The following ATP2A2 variants were observed in gnomAD, a reference collection of about 807,000 sequenced individuals.
ATP2A2 encodes ATPase sarcoplasmic/endoplasmic reticulum Ca2+ transporting 2.
ATP2A2 carries 14 observed loss-of-function variants against 109.3 expected under a neutral mutation model. That is an observed-to-expected ratio of 0.13 (90% CI 0.08 to 0.20). ATP2A2 has a LOEUF of 0.20. ATP2A2 is among the 10% of genes least tolerant of loss of function. The pLI is 1.00. For missense variants in ATP2A2, 657 were observed against 1,321.6 expected (o/e 0.50, Z 7.80); for synonymous variants, 506 against 490.9 (o/e 1.03, Z -0.41).
intron 14 of ATP2A2, among the ~76,000 whole-genome samples, chr12:110,341,202 G>A (rs2137857810): frequency 6.6e-6 from 1 of 152,174 alleles, no homozygotes; most frequent in East Asian, 1.9e-4. Context: ...ACCCAGAAGG[G>A]CCTTCCAGAT....
At chr12:110,287,214 C>G (rs1872750164) in intron 3 of ATP2A2, among the ~76,000 whole-genome samples, 1 of 152,108 alleles carries the variant, frequency 6.6e-6, no homozygotes, top group Non-Finnish European at 1.5e-5. Context: ...GATTGCGCCA[C>G]TGCACTCCAG....
intron 3 of ATP2A2, among the ~76,000 whole-genome samples, chr12:110,291,152 C>A (rs1464548588): frequency 6.6e-6 from 1 of 151,960 alleles, no homozygotes; most frequent in Non-Finnish European, 1.5e-5. Flanking sequence ...AGGTGATCCC[C>A]CCGCCTTGGC....
Position 110,347,524 on chromosome 12 carries a change from A to C in ATP2A2, c.*1054A>C. On this transcript the variant is annotated 3_prime_UTR_variant, in exon 20 of 20. Transcript: ENST00000539276. ...GTCATCTGTGATGTACATTTTATGCAAGTTTCTGCTGGCCTGGTATAGAGA... is the reference window on the plus strand; with the variant it reads ...GTCATCTGTGATGTACATTTTATGCCAGTTTCTGCTGGCCTGGTATAGAGA... 2 of 1,288,634 alleles carry C rather than the reference A, an allele frequency of 1.6e-6. No homozygotes were observed. Among genetic ancestry groups the C allele is most frequent in the South Asian group, 2.5e-5 (2 of 81,006 alleles). The allele number at this position is 1,288,634 out of a possible 1,614,324, so 79.8% of individuals were successfully genotyped here.
chr12:110,304,122 C>T (rs557753060), intron 5 of ATP2A2, among the ~76,000 whole-genome samples: 42 of 152,268 alleles, frequency 2.8e-4, no homozygotes, highest in African/African-American at 9.1e-4. Context: ...TGTTACATTT[C>T]GTTCATGAAT....
At chr12:110,310,637 A>G (rs1268719884) in intron 5 of ATP2A2, among the ~76,000 whole-genome samples, 2 of 152,226 alleles carry the variant, frequency 1.3e-5, no homozygotes, top group Non-Finnish European at 2.9e-5. Flanking sequence ...TTAAGATTTA[A>G]GTAGTGGAAG....
chr12:110,344,178 T>A (rs1592866045), intron 16 of ATP2A2, among the ~76,000 whole-genome samples: 1 of 152,136 alleles, frequency 6.6e-6, no homozygotes, highest in East Asian at 1.9e-4. Flanking sequence ...TAGTGCCTCA[T>A]CCTTGCAGCC....
intron 19 of ATP2A2, 23 bp from the exon 20 acceptor site, chr12:110,346,178 G>A (rs1380750683): frequency 6.2e-7 from 1 of 1,614,040 alleles, no homozygotes; most frequent in Admixed American, 1.7e-5. Flanking sequence ...CTGGAGGCGT[G>A]ACACGTCTTC....
Position 110,348,425 on chromosome 12 carries a change from G to A in ATP2A2, c.*1955G>A. ...ACTATATTCTTCAAAATGTACTTAG[G>A]CTCTGGTTACTGGGATGGCCAGTAG... On this transcript the variant is annotated 3_prime_UTR_variant, in exon 20 of 20. Transcript: ENST00000539276. 1.0e-6 allele frequency: 1 copy of A among 985,522 alleles called. No individual in the cohort carries two copies. The highest frequency in any genetic ancestry group is 1.7e-5 in the African/African-American group (1 of 57,316). 61.0% of individuals were successfully genotyped at this position (985,522 alleles called of 1,614,324 possible).
chr12:110,283,695 T>TA (rs758973335), intron 3 of ATP2A2, among the ~76,000 whole-genome samples: 4 of 152,228 alleles, frequency 2.6e-5, no homozygotes, highest in Non-Finnish European at 4.4e-5. Flanking sequence ...ATTCTTGAAT[T>TA]ACGTTATTCT....
At chr12:110,344,731 CA>C (rs1879677854) in intron 16 of ATP2A2, among the ~76,000 whole-genome samples, 154 bp from the exon 17 acceptor site, 1 of 152,166 alleles carries the variant, frequency 6.6e-6, no homozygotes, top group South Asian at 2.1e-4. Context: ...CTCTGGCTAC[CA>C]GGCGTGAGCA....
chr12:110,341,111 G>A, intron 14 of ATP2A2, 117 bp downstream of exon 14: 1 of 1,138,618 alleles, frequency 8.8e-7, no homozygotes, highest in Non-Finnish European at 1.3e-6. Flanking sequence ...GTCATGATTT[G>A]GGTCTTTTCT....
intron 3 of ATP2A2, among the ~76,000 whole-genome samples, chr12:110,287,303 G>A (rs1872759067): frequency 6.6e-6 from 1 of 152,072 alleles, no homozygotes; most frequent in South Asian, 2.1e-4. Context: ...GTATAATGCA[G>A]TACAGAGTGT....
At chr12:110,332,369 G>C in intron 8 of ATP2A2, 1 of 542,656 alleles carries the variant, frequency 1.8e-6, no homozygotes, top group South Asian at 2.0e-5. Flanking sequence ...TTTTCATACT[G>C]TTCGATTGGT....
At chr12:110,335,600 G>A (rs1288356150) in intron 11 of ATP2A2, among the ~76,000 whole-genome samples, 1 of 152,248 alleles carries the variant, frequency 6.6e-6, no homozygotes, top group Non-Finnish European at 1.5e-5. Context: ...TGATTGCTTG[G>A]ATGAGAAGTG....
rs936356149 is a variant in ATP2A2, at chr12:110,340,538, C to CA, written c.1762-108dup. The CA allele has an allele frequency of 0.16, 129,349 of 819,276 alleles. No individual in the cohort carries two copies. The highest frequency in any genetic ancestry group is 0.18 in the East Asian group (5,278 of 29,754). The allele number at this position is 819,276 out of a possible 1,614,324, so 50.8% of individuals were successfully genotyped here. ...GGGCAACAAGAGCGAAACTCCGCCT[C>CA]AAAAAAAAAAAAAGAAAAAAAATGC... On this transcript the variant is annotated intron_variant, in intron 13 of 19. Coordinates refer to ENST00000539276, the MANE Select transcript of ATP2A2 (RefSeq NM_170665.4). The surrounding 1 kb of genome is among the most constrained non-coding windows in gnomAD (Gnocchi z 6.0).
chr12:110,281,883 C>G lies in ATP2A2; in HGVS notation c.94C>G (p.Leu32Val). ...GCTGAGCCTGGAACAGGTCAAGAAG[C>G]TTAAGGAGAGATGGGGCTCCAACGG... is the stretch of plus-strand genomic sequence containing the variant. ...TGLSLEQVKKLKERWGSNELP... is the reference protein window; with the variant it reads ...TGLSLEQVKKVKERWGSNELP... The change falls in exon 1 of 20, where the codon CTT becomes GTT. Residue 32 changes from leucine (L) to valine (V), a missense_variant. Around this residue, in one of 9 missense-constraint regions of ATP2A2, gnomAD observed 64 missense variants for 65.4 expected, o/e 0.98. Coordinates refer to ENST00000539276, the MANE Select transcript of ATP2A2 (RefSeq NM_170665.4). 1.3e-6 allele frequency: 2 copies of G among 1,581,092 alleles called. No individual in the cohort carries two copies. Among genetic ancestry groups the G allele is most frequent in the Non-Finnish European group, 1.7e-6 (2 of 1,165,592 alleles).
At position 110,346,190 on chromosome 12, in the gene ATP2A2, C is replaced by G. The variant is rs1566243365; in HGVS notation, c.2860-11C>G. 2 of 1,614,164 alleles carry G rather than the reference C, an allele frequency of 1.2e-6. No individual in the cohort carries two copies. The highest frequency in any genetic ancestry group is 1.7e-5 in the Admixed American group (1 of 60,018). On this transcript the variant is annotated splice_polypyrimidine_tract_variant and intron_variant, in intron 19 of 19. Coordinates refer to ENST00000539276, the MANE Select transcript of ATP2A2 (RefSeq NM_170665.4). ...AGGCTGGAGGCGTGACACGTCTTCC[C>G]TGTGTGTCAGCTCATCTTCCAGATC...
intron 11 of ATP2A2, among the ~76,000 whole-genome samples, chr12:110,336,379 G>A (rs1878846422): frequency 1.3e-5 from 2 of 152,168 alleles, no homozygotes; most frequent in African/African-American, 2.4e-5. Flanking sequence ...TTGTCACCAC[G>A]TTTAATGCTT....
In ATP2A2 at chr12:110,327,048, G is replaced by A. The variant is rs998971566; in HGVS notation, c.631-505G>A. Among the ~76,000 whole-genome samples, 2 of 152,232 alleles carry A rather than the reference G, an allele frequency of 1.3e-5. No individual in the cohort carries two copies. The highest frequency in any genetic ancestry group is 6.5e-5 in the Admixed American group (1 of 15,286). ...AGTAAATAGAGGTACCCTGAAAATAGTGAAGCCATGTCCTTCTCTTATAAC... is the reference window on the plus strand; with the variant it reads ...AGTAAATAGAGGTACCCTGAAAATAATGAAGCCATGTCCTTCTCTTATAAC... On this transcript the variant is annotated intron_variant, in intron 7 of 19. Transcript: ENST00000539276. This position sits in a 1 kb window ranked among gnomAD's most constrained non-coding sequence, Gnocchi z 4.4.
Sources: gnomAD v4.1 joint callset for allele counts (sites outside exome capture counted in the v4.1 genomes callset) on GRCh38, gnomAD v4.1.1 for gene constraint, gnomAD v4.1.1 regional missense constraint, Gnocchi (gnomAD v3.1) non-coding constraint, MANE v1.5 for transcripts, NCBI Gene and HGNC (gene_info 2026-07-23, HGNC 2026-07-21) for gene names.